Variants in HDGFL2 observed in about 807,000 individuals in gnomAD.
The protein encoded by HDGFL2 is hepatoma-derived growth factor-related protein 2.
HDGFL2 carries 36 observed loss-of-function variants against 77.1 expected under a neutral mutation model. The ratio of observed to expected loss-of-function variants is 0.47; its 90% CI spans 0.36 to 0.62. The LOEUF (loss-of-function observed/expected upper bound fraction) is 0.62, where lower values mean the gene tolerates loss of function less well. Among genes scored for constraint, HDGFL2 ranks in the 20% least tolerant of loss-of-function variants. The probability of loss-of-function intolerance (pLI) is 0.00; values close to 1 mark genes in which losing one functional copy is unlikely to be tolerated. For missense variants in HDGFL2, 976 were observed against 973.4 expected (o/e 1.00, Z -0.04); for synonymous variants, 463 against 413.1 (o/e 1.12, Z -1.46).
chr19:4,502,149 T>C lies in HDGFL2; in HGVS notation c.*139T>C, dbSNP rs1975926170. 1 of 713,108 alleles carries C rather than the reference T, an allele frequency of 1.4e-6. No homozygotes were observed. Among genetic ancestry groups the C allele is most frequent in the African/African-American group, 1.8e-5 (1 of 56,786 alleles). 44.2% of individuals were successfully genotyped at this position (713,108 alleles called of 1,614,324 possible). On this transcript the variant is annotated 3_prime_UTR_variant, in exon 16 of 16. Transcript: ENST00000616600. ...TTCCCTTGGGTTTTTTTTTCCTGCC[T>C]AATTTCTGTGATTTCCAACCAACAT...
chr19:4,495,930 C>G (rs1975689923), intron 9 of HDGFL2, among the ~76,000 whole-genome samples: 1 of 152,154 alleles, frequency 6.6e-6, no homozygotes, highest in Non-Finnish European at 1.5e-5. Flanking sequence ...TGCTGGTGCC[C>G]CTCAGCCAGG....
At chr19:4,498,966 A>C (rs1272584992) in intron 13 of HDGFL2, 51 bp downstream of exon 13, 7 of 1,344,180 alleles carry the variant, frequency 5.2e-6, no homozygotes, top group Non-Finnish European at 7.3e-6. Flanking sequence ...AGCTGGGAGC[A>C]AGTGCCTGCC....
Position 4,482,026 on chromosome 19 carries a change from C to CTTTTTTTT in HDGFL2, c.288+6460_288+6467dup, listed in dbSNP as rs34398630. ...GGACTGGAAGTTGGCTGGCTTTGGC[C>CTTTTTTTT]TTTTTTTTTTTTTTTTTTTTTTTTG... On this transcript the variant is annotated intron_variant, in intron 3 of 15. Transcript: ENST00000616600. 1.5e-3 allele frequency among the ~76,000 whole-genome samples: 106 copies of CTTTTTTTT among 71,652 alleles called. 3 individuals are homozygous for CTTTTTTTT. Among genetic ancestry groups the CTTTTTTTT allele is most frequent in the Middle Eastern group, 0.015 (1 of 68 alleles). 47.0% of individuals were successfully genotyped at this position (71,652 alleles called of 152,430 possible).
At position 4,502,197 on chromosome 19, in the gene HDGFL2, T is replaced by C; in HGVS notation, c.*187T>C. 1.5e-6 allele frequency: 1 copy of C among 671,178 alleles called. No individual in the cohort carries two copies. The highest frequency in any genetic ancestry group is 2.7e-6 in the Non-Finnish European group (1 of 376,424). 41.6% of individuals were successfully genotyped at this position (671,178 alleles called of 1,614,324 possible). On this transcript the variant is annotated 3_prime_UTR_variant, in exon 16 of 16. Transcript: ENST00000616600. ...CATGAAATGACTATAAATGGTTTTT[T>C]AATGAAAAAAGAAATCACTTTTATT... is the stretch of plus-strand genomic sequence containing the variant.
rs1197794729 is a variant in HDGFL2, at chr19:4,502,175, G to A, written c.*165G>A. Reference sequence around the variant, plus strand: ...AATTTCTGTGATTTCCAACCAACATGAAATGACTATAAATGGTTTTTTAAT... The same window carrying A: ...AATTTCTGTGATTTCCAACCAACATAAAATGACTATAAATGGTTTTTTAAT... On this transcript the variant is annotated 3_prime_UTR_variant, in exon 16 of 16. Coordinates refer to ENST00000616600, the MANE Select transcript of HDGFL2 (RefSeq NM_001001520.3). 4 of 685,080 alleles carry A rather than the reference G, an allele frequency of 5.8e-6. No homozygotes were observed. Among genetic ancestry groups the A allele is most frequent in the African/African-American group, 5.4e-5 (3 of 55,690 alleles). 42.4% of individuals were successfully genotyped at this position (685,080 alleles called of 1,614,324 possible).
At chr19:4,476,985 G>A (rs1320669657) in intron 3 of HDGFL2, among the ~76,000 whole-genome samples, 2 of 152,052 alleles carry the variant, frequency 1.3e-5, no homozygotes, top group African/African-American at 2.4e-5. Flanking sequence ...GGAAAACTTG[G>A]CCATTAAGGA....
rs1296701630 is a variant in HDGFL2 at position 4,502,109 on chromosome 19, T to C, written c.*99T>C. The C allele has an allele frequency of 1.1e-6, 1 of 869,678 alleles. No individual in the cohort carries two copies. Among genetic ancestry groups the C allele is most frequent in the Non-Finnish European group, 1.9e-6 (1 of 539,770 alleles). 53.9% of individuals were successfully genotyped at this position (869,678 alleles called of 1,614,324 possible). On this transcript the variant is annotated 3_prime_UTR_variant, in exon 16 of 16. Transcript: ENST00000616600. ...GAGCAGAGAACTGTGGGGAACGCTG[T>C]GCTGTTTGTATTTGTTCCCTTGGGT...
At chr19:4,490,180 C>T (rs971299566) in intron 4 of HDGFL2, among the ~76,000 whole-genome samples, 3 of 152,198 alleles carry the variant, frequency 2.0e-5, no homozygotes, top group East Asian at 1.9e-4. Context: ...CTCCACCTCC[C>T]GGGTTCAAGC....
chr19:4,494,929 CAA>C (rs1409985888), intron 9 of HDGFL2, among the ~76,000 whole-genome samples: 2 of 151,068 alleles, frequency 1.3e-5, no homozygotes, highest in Admixed American at 1.3e-4. Context: ...CAAAACAAAA[CAA>C]AGGAGGGAGG....
intron 3 of HDGFL2, among the ~76,000 whole-genome samples, chr19:4,479,187 C>T (rs779483369): frequency 6.6e-6 from 1 of 151,930 alleles, no homozygotes; most frequent in African/African-American, 2.4e-5. Context: ...TAGCCGGGCT[C>T]ACGCCTGAAA....
At chr19:4,486,267 G>A (rs1217313949) in intron 3 of HDGFL2, 1 of 151,948 alleles carries the variant, frequency 6.6e-6, no homozygotes, top group African/African-American at 2.4e-5. Context: ...CTGTCTCCCC[G>A]GTAGACCATG....
intron 4 of HDGFL2, among the ~76,000 whole-genome samples, chr19:4,489,700 C>T (rs1472563168): frequency 1.3e-5 from 2 of 152,166 alleles, no homozygotes; most frequent in Non-Finnish European, 2.9e-5. Context: ...TGGTGCCTGG[C>T]CTGGTCCCTT....
chr19:4,493,063 TGTC>T (rs1486251573), intron 6 of HDGFL2, among the ~76,000 whole-genome samples: 14 of 118,496 alleles, frequency 1.2e-4, no homozygotes, highest in South Asian at 2.8e-4. Context: ...GTGTGTGTGT[TGTC>T]TGTGTGTGGT....
chr19:4,501,503 TA>T, intron 15 of HDGFL2, 186 bp downstream of exon 15: 1 of 626,488 alleles, frequency 1.6e-6, no homozygotes, highest in Admixed American at 3.6e-5. Flanking sequence ...CGGCGGCCCC[TA>T]CAGAGAGGCA....
chr19:4,491,834 AG>A lies in HDGFL2; in HGVS notation c.678+1del. 1 of 1,613,410 alleles carries A rather than the reference AG, an allele frequency of 6.2e-7. No individual in the cohort carries two copies. Among genetic ancestry groups the A allele is most frequent in the Non-Finnish European group, 8.5e-7 (1 of 1,179,516 alleles). On this transcript the variant is annotated frameshift_variant and splice_region_variant, in exon 6 of 16. Transcript: ENST00000616600. LOFTEE classifies it high-confidence loss of function. The stretch of plus-strand genomic sequence containing the variant: ...GGCCCTCTGGGGGGACGGAAAAAAA[AG>A]GTAGCGTGCACTTGACTTTGTTTCC... Reference protein sequence around the residue: ...RRGPLGGRKKKKAPSASDSDS... With the variant: ...RRGPLGGRKKXKAPSASDSDS...
intron 6 of HDGFL2, 109 bp from the exon 7 acceptor site, chr19:4,493,594 C>A (rs1173018477): frequency 1.6e-6 from 2 of 1,265,216 alleles, no homozygotes; most frequent in African/African-American, 1.6e-5. Context: ...TGAGCCGAGG[C>A]CCGCAGAGCC....
In HDGFL2 at chr19:4,499,656, G is replaced by A. The variant is rs1975806036; in HGVS notation, c.1741G>A (p.Ala581Thr). Residue 581 changes from alanine to threonine, a missense_variant, in exon 14 of 16, where the codon GCC becomes ACC. Coordinates refer to ENST00000616600, the MANE Select transcript of HDGFL2 (RefSeq NM_001001520.3). ...AEEKLAGEEL[A>T]GEEAPQEKAE... ...GGAGAAGCTGGCCGGGGAGGAGCTG[G>A]CCGGGGAGGAGGCCCCCCAGGAGAA... The A allele has an allele frequency of 1.3e-6, 2 of 1,579,380 alleles. No homozygotes were observed. The highest frequency in any genetic ancestry group is 1.3e-5 in the African/African-American group (1 of 74,462).
chr19:4,480,670 G>T (rs1693646625), intron 3 of HDGFL2, among the ~76,000 whole-genome samples: 1 of 152,038 alleles, frequency 6.6e-6, no homozygotes, highest in Non-Finnish European at 1.5e-5. Context: ...AGTGGGCTGA[G>T]ATTGTGCCAT....
chr19:4,499,823 T>A, intron 14 of HDGFL2, 119 bp downstream of exon 14: 1 of 834,938 alleles, frequency 1.2e-6, no homozygotes, highest in Non-Finnish European at 1.8e-6. Flanking sequence ...CCTGCCAGAG[T>A]GTCATGTCCT....
Sources: gnomAD v4.1 joint callset for allele counts (sites outside exome capture counted in the v4.1 genomes callset) on GRCh38, gnomAD v4.1.1 for gene constraint, MANE v1.5 for transcripts, NCBI Gene and HGNC (gene_info 2026-07-23, HGNC 2026-07-21) for gene names.